The following ST18 variants were observed in gnomAD, a reference collection of about 807,000 sequenced individuals.
ST18 encodes the protein suppression of tumorigenicity 18 protein.
ST18 carries 50 observed loss-of-function variants against 110.0 expected under a neutral mutation model. The observed-to-expected ratio is 0.45, with a 90% confidence interval of 0.36 to 0.58. ST18 has a LOEUF of 0.58. ST18 is among the 20% of genes least tolerant of loss of function. The pLI is 0.00. For missense variants in ST18, 1,306 were observed against 1,280.1 expected, an observed-to-expected ratio of 1.02 and a Z score of -0.31; for synonymous variants, 461 against 452.4, an observed-to-expected ratio of 1.02 and a Z score of -0.24.
intron 2 of ST18, among the ~76,000 whole-genome samples, chr8:52,398,399 C>T (rs772974649): frequency 3.3e-5 from 5 of 152,130 alleles, no homozygotes; most frequent in Non-Finnish European, 7.4e-5. Flanking sequence ...TCATTGGATA[C>T]TTTCTATTTC....
At chr8:52,317,063 C>T (rs117091696) in intron 2 of ST18, among the ~76,000 whole-genome samples, 4 of 152,238 alleles carry the variant, frequency 2.6e-5, no homozygotes, top group East Asian at 1.9e-4. Context: ...TCTCACGTAG[C>T]GAGCTTTGTT....
At chr8:52,399,633 C>T (rs1842270929) in intron 2 of ST18, among the ~76,000 whole-genome samples, 1 of 151,828 alleles carries the variant, frequency 6.6e-6, no homozygotes, top group African/African-American at 2.4e-5. Flanking sequence ...GGTTATGTTT[C>T]CATTGTCATT....
intron 2 of ST18, among the ~76,000 whole-genome samples, chr8:52,402,773 A>G (rs959973993): frequency 6.6e-6 from 1 of 152,148 alleles, no homozygotes; most frequent in Admixed American, 6.5e-5. Flanking sequence ...TCTGGAGTCA[A>G]TTCAGACTCC....
At chr8:52,321,606 C>T (rs1026379951) in intron 2 of ST18, among the ~76,000 whole-genome samples, 1 of 152,140 alleles carries the variant, frequency 6.6e-6, no homozygotes, top group South Asian at 2.1e-4. Flanking sequence ...AGCCCGTTGC[C>T]TCCTGGTAAG....
At chr8:52,168,753 T>A (rs1587600339) in intron 10 of ST18, among the ~76,000 whole-genome samples, 1 of 152,182 alleles carries the variant, frequency 6.6e-6, no homozygotes, top group East Asian at 1.9e-4. Flanking sequence ...ATTAAGAGTT[T>A]TGTGATGCTC....
At chr8:52,144,693 G>T (rs1007579840) in intron 16 of ST18, among the ~76,000 whole-genome samples, 1 of 152,082 alleles carries the variant, frequency 6.6e-6, no homozygotes, top group Non-Finnish European at 1.5e-5. Flanking sequence ...GAAAACAGAA[G>T]CCGATAAAAA....
At chr8:52,145,686 G>T (rs960260364) in intron 16 of ST18, among the ~76,000 whole-genome samples, 1 of 150,224 alleles carries the variant, frequency 6.7e-6, no homozygotes, top group Non-Finnish European at 1.5e-5. Flanking sequence ...TGGTATATAT[G>T]TGTGTGTTTA....
At position 52,132,130 on chromosome 8, in the gene ST18, T is replaced by G. The variant is rs766083131; in HGVS notation, c.2494A>C (p.Thr832Pro). The G allele has an allele frequency of 6.2e-7, 1 of 1,614,054 alleles. No homozygotes were observed. Among genetic ancestry groups the G allele is most frequent in the Admixed American group, 1.7e-5 (1 of 60,022 alleles). Residue 832 changes from threonine to proline, a missense_variant, in exon 22 of 26, where the codon ACA becomes CCA. Physicochemically the swap from Thr to Pro is conservative, Grantham distance 38 (BLOSUM62 -1). Transcript: ENST00000689386. ...CAGCCAGAAGCTGTGCGGTGTGATGTGTATTTACCTGATATGTGACCTTGG... is the reference window on the plus strand; with the variant it reads ...CAGCCAGAAGCTGTGCGGTGTGATGGGTATTTACCTGATATGTGACCTTGG... The part of the protein sequence containing the change: ...DGQGHISGKY[T>P]SHRTASGCPL...
At chr8:52,163,003 C>T (rs1408490586) in intron 13 of ST18, among the ~76,000 whole-genome samples, 1 of 152,082 alleles carries the variant, frequency 6.6e-6, no homozygotes, top group African/African-American at 2.4e-5. Context: ...ATATTCTAAT[C>T]TAAAACAATA....
chr8:52,159,185 TG>T (rs2060783563), intron 14 of ST18, 76 bp from the exon 15 acceptor site: 1 of 1,340,834 alleles, frequency 7.5e-7, no homozygotes, highest in East Asian at 2.3e-5. Context: ...TTTTTAAAAA[TG>T]TAACTTCTTG....
intron 3 of ST18, among the ~76,000 whole-genome samples, chr8:52,224,649 T>C (rs1289985826): frequency 6.6e-6 from 1 of 152,198 alleles, no homozygotes; most frequent in African/African-American, 2.4e-5. Flanking sequence ...AGTGGGTCAA[T>C]GGTATCTCGC....
intron 17 of ST18, 30 bp from the exon 18 acceptor site, chr8:52,137,513 T>C: frequency 1.2e-6 from 2 of 1,611,130 alleles, no homozygotes; most frequent in Non-Finnish European, 1.7e-6. Context: ...ATCATTAGAG[T>C]CAAGCGCATT....
rs1467229192 is a variant in ST18, at chr8:52,357,671, CTATAAATATATATATATATATATATATA to C, written c.-465+51629_-465+51656del. Among the ~76,000 whole-genome samples, 2 of 59,992 alleles carry C rather than the reference CTATAAATATATATATATATATATATATA, an allele frequency of 3.3e-5. 1 individual carries two copies. Among genetic ancestry groups the C allele is most frequent in the East Asian group, 9.5e-4 (2 of 2,104 alleles). 39.4% of individuals were successfully genotyped at this position (59,992 alleles called of 152,430 possible). ...TTTACACATAACAAATCCCCAAAAT[CTATAAATATATATATATATATATATATA>C]TATATATATATATATATATATATAT... On this transcript the variant is annotated intron_variant, in intron 2 of 25. Transcript: ENST00000689386.
intron 8 of ST18, among the ~76,000 whole-genome samples, chr8:52,185,823 G>A (rs762281777): frequency 7.2e-5 from 11 of 151,984 alleles, no homozygotes; most frequent in African/African-American, 4.8e-5. Flanking sequence ...AGAAGAAAAT[G>A]TGAGATATTA....
At chr8:52,118,640 T>C (rs1024550064) in intron 23 of ST18, among the ~76,000 whole-genome samples, 199 bp from the exon 24 acceptor site, 6 of 150,926 alleles carry the variant, frequency 4.0e-5, no homozygotes, top group African/African-American at 9.8e-5. Flanking sequence ...AAAGAGGGAG[T>C]AGAAAAGTGC....
At chr8:52,382,946 C>T (rs1419897688) in intron 2 of ST18, among the ~76,000 whole-genome samples, 2 of 151,958 alleles carry the variant, frequency 1.3e-5, no homozygotes, top group African/African-American at 2.4e-5. Flanking sequence ...AAATGTGCCA[C>T]GAGGATTGTC....
chr8:52,409,297 C>A (rs548222636), intron 2 of ST18, 31 bp downstream of exon 2: 6 of 152,354 alleles, frequency 3.9e-5, no homozygotes, highest in African/African-American at 1.4e-4. Context: ...AATAAAATAA[C>A]TTAAATGCAT....
In ST18 at chr8:52,209,681, A is replaced by G. The variant is rs186048577; in HGVS notation, c.86+2398T>C. On this transcript the variant is annotated intron_variant, in intron 8 of 25. Transcript: ENST00000689386. Reference sequence around the variant, plus strand: ...GCTACTCGACAGGCTGAGGCAAGAGAATCACTTGAACCCAGGAGGCGGAGG... The same window carrying G: ...GCTACTCGACAGGCTGAGGCAAGAGGATCACTTGAACCCAGGAGGCGGAGG... Among the ~76,000 whole-genome samples, 18 of 151,054 alleles carry G rather than the reference A, an allele frequency of 1.2e-4. No homozygotes were observed. The East Asian group carries it at 2.9e-3, about 25-fold the overall frequency.
intron 2 of ST18, among the ~76,000 whole-genome samples, chr8:52,287,917 G>T (rs1474857584): frequency 2.6e-5 from 4 of 152,288 alleles, no homozygotes; most frequent in Admixed American, 2.0e-4. Flanking sequence ...GGACCAAGCT[G>T]AAAGCTCTAA....
Sources: gnomAD v4.1 joint callset for allele counts (sites outside exome capture counted in the v4.1 genomes callset) on GRCh38, gnomAD v4.1.1 for gene constraint, MANE v1.5 for transcripts, NCBI Gene and HGNC (gene_info 2026-07-23, HGNC 2026-07-21) for gene names.